The following PDE4B variants were observed in gnomAD, a reference collection of about 807,000 sequenced individuals.
PDE4B encodes phosphodiesterase 4B.
A neutral mutation model predicts 82.2 loss-of-function variants in PDE4B; 20 were observed. The observed-to-expected ratio is 0.24, with a 90% CI of 0.17 to 0.35. The LOEUF is 0.35. PDE4B is among the 10% of genes least tolerant of loss of function. The pLI, the probability that PDE4B is intolerant of heterozygous loss-of-function variation, is 1.00. For synonymous variants in PDE4B, 320 were observed against 318.9 expected (o/e 1.00, Z -0.04); for missense variants, 655 against 907.2 (o/e 0.72, Z 3.57).
chr1:66,131,194 C>T (rs1335134897), intron 3 of PDE4B, among the ~76,000 whole-genome samples: 3 of 152,046 alleles, frequency 2.0e-5, no homozygotes, highest in Non-Finnish European at 4.4e-5. Context: ...GTCCAAGTGT[C>T]CCCAATAGCA....
chr1:66,049,228 G>A (rs1322216404), intron 3 of PDE4B, among the ~76,000 whole-genome samples: 2 of 152,094 alleles, frequency 1.3e-5, no homozygotes, highest in Middle Eastern at 3.4e-3. Flanking sequence ...AAATTGAGGT[G>A]CTGCTTTAAA....
chr1:66,284,986 T>G (rs2101793768), intron 7 of PDE4B, among the ~76,000 whole-genome samples: 1 of 152,274 alleles, frequency 6.6e-6, no homozygotes, highest in Admixed American at 6.5e-5. Flanking sequence ...TAACAGAGAT[T>G]GATGAATTGG....
At chr1:66,305,486 T>C (rs1245396267) in intron 7 of PDE4B, among the ~76,000 whole-genome samples, 1 of 152,170 alleles carries the variant, frequency 6.6e-6, no homozygotes, top group African/African-American at 2.4e-5. Context: ...AAAAAAAGTA[T>C]TATCTGAAAT....
intron 3 of PDE4B, among the ~76,000 whole-genome samples, chr1:66,185,791 T>C (rs895203494): frequency 6.6e-6 from 1 of 152,012 alleles, no homozygotes; most frequent in African/African-American, 2.4e-5. Context: ...AGGTTGCCTT[T>C]TCATTCTGAT....
chr1:66,202,249 G>A lies in PDE4B; in HGVS notation c.282-45211G>A, dbSNP rs1178569069. ...ATTTCTGTTCTTTTACATTTGTTGA[G>A]GAGTGTTTTACTACCAACTATGTGG... On this transcript the variant is annotated intron_variant, in intron 3 of 16. Coordinates refer to ENST00000341517, the MANE Select transcript of PDE4B (RefSeq NM_002600.4). Among the ~76,000 whole-genome samples the A allele has an allele frequency of 1.2e-4, 18 of 151,958 alleles. No homozygotes were observed. The East Asian group carries it at 3.5e-3, about 29-fold the overall frequency.
In PDE4B at chr1:66,235,761, C is replaced by T. The variant is rs1652360668; in HGVS notation, c.282-11699C>T. ...CTATTTGTTTTCTATTTGTCTTATCCATTCTGTTGAAAAAAAATGTTTAGA... is the reference window on the plus strand; with the variant it reads ...CTATTTGTTTTCTATTTGTCTTATCTATTCTGTTGAAAAAAAATGTTTAGA... On this transcript the variant is annotated intron_variant, in intron 3 of 16. Coordinates refer to ENST00000341517, the MANE Select transcript of PDE4B (RefSeq NM_002600.4). 2.0e-5 allele frequency among the ~76,000 whole-genome samples: 3 copies of T among 151,858 alleles called. No individual in the cohort carries two copies. The South Asian group carries it at 6.3e-4, about 32-fold the overall frequency.
In PDE4B at chr1:65,870,523, A is replaced by AG. The variant is rs1646560909; in HGVS notation, c.-70-42721dup. Among the ~76,000 whole-genome samples the AG allele has an allele frequency of 2.0e-5, 3 of 152,338 alleles. No individual in the cohort carries two copies. The South Asian group carries it at 6.2e-4, about 32-fold the overall frequency. On this transcript the variant is annotated intron_variant, in intron 1 of 16. Coordinates refer to ENST00000341517, the MANE Select transcript of PDE4B (RefSeq NM_002600.4). ...TTTTTGAGGTCTCATTGTAAAAATGAGATAAAAACAAACAAATTAATACCT... is the reference window on the plus strand; with the variant it reads ...TTTTTGAGGTCTCATTGTAAAAATGAGGATAAAAACAAACAAATTAATACCT...
At chr1:66,081,245 A>G (rs909178952) in intron 3 of PDE4B, among the ~76,000 whole-genome samples, 9 of 152,086 alleles carry the variant, frequency 5.9e-5, no homozygotes, top group East Asian at 1.9e-4. Flanking sequence ...AATTGAGATT[A>G]ATTCACCTAC....
chr1:66,263,672 G>T (rs1169513364), intron 6 of PDE4B, among the ~76,000 whole-genome samples: 2 of 152,116 alleles, frequency 1.3e-5, no homozygotes, highest in Admixed American at 6.6e-5. Context: ...ATGAAGAAAT[G>T]ACCCTAAAGG....
At chr1:66,096,517 T>A (rs915597875) in intron 3 of PDE4B, among the ~76,000 whole-genome samples, 1 of 138,012 alleles carries the variant, frequency 7.2e-6, no homozygotes, top group Non-Finnish European at 1.6e-5. Flanking sequence ...ATTATATATA[T>A]ATATATATAT....
intron 1 of PDE4B, among the ~76,000 whole-genome samples, chr1:65,900,740 T>C (rs985345536): frequency 6.6e-6 from 1 of 152,118 alleles, no homozygotes; most frequent in Non-Finnish European, 1.5e-5. Flanking sequence ...ATTACATTCT[T>C]GATTTGGCTC....
At chr1:66,146,764 T>C (rs376513498) in intron 3 of PDE4B, among the ~76,000 whole-genome samples, 1 of 152,212 alleles carries the variant, frequency 6.6e-6, no homozygotes, top group African/African-American at 2.4e-5. Context: ...TTCATGTAAA[T>C]TTTGCTTCTA....
At chr1:66,207,554 G>T (rs1649648618) in intron 3 of PDE4B, among the ~76,000 whole-genome samples, 1 of 152,148 alleles carries the variant, frequency 6.6e-6, no homozygotes, top group Non-Finnish European at 1.5e-5. Context: ...CTCGTTACTG[G>T]CAAGAACTTG....
At chr1:66,203,417 T>C (rs1649208822) in intron 3 of PDE4B, among the ~76,000 whole-genome samples, 1 of 152,244 alleles carries the variant, frequency 6.6e-6, no homozygotes, top group Non-Finnish European at 1.5e-5. Context: ...GGGGAAGTTC[T>C]CCTGGGTAAT....
At chr1:65,837,213 T>C (rs1295504487) in intron 1 of PDE4B, among the ~76,000 whole-genome samples, 1 of 152,162 alleles carries the variant, frequency 6.6e-6, no homozygotes, top group Admixed American at 6.5e-5. Context: ...TCATGTATTG[T>C]ATATACAAAG....
intron 1 of PDE4B, among the ~76,000 whole-genome samples, chr1:65,868,166 G>A (rs551278110): frequency 1.3e-5 from 2 of 152,284 alleles, no homozygotes; most frequent in East Asian, 3.9e-4. Flanking sequence ...GGCTCCCTAT[G>A]CTCTCTCTGC....
chr1:66,374,129 A>G lies in PDE4B; in HGVS notation c.*1451A>G, dbSNP rs1218215666. 1 of 152,624 alleles carries G rather than the reference A, an allele frequency of 6.6e-6. No individual in the cohort carries two copies. The highest frequency in any genetic ancestry group is 2.1e-4 in the South Asian group (1 of 4,834). The allele number at this position is 152,624 out of a possible 1,614,324, so 9.5% of individuals were successfully genotyped here. On this transcript the variant is annotated 3_prime_UTR_variant, in exon 17 of 17. Transcript: ENST00000341517. ...AAGGAAACACTACATTTGCTCACAG[A>G]TGATTCTTCTGAATGCTCCCGAACT... is the stretch of plus-strand genomic sequence containing the variant.
intron 1 of PDE4B, among the ~76,000 whole-genome samples, chr1:65,857,732 C>A (rs1646409379): frequency 1.3e-5 from 2 of 152,182 alleles, no homozygotes; most frequent in Admixed American, 1.3e-4. Flanking sequence ...TTGCCAAAAA[C>A]ACCATTGGGC....
chr1:65,960,110 G>T (rs1649472554), intron 3 of PDE4B, among the ~76,000 whole-genome samples: 1 of 152,154 alleles, frequency 6.6e-6, no homozygotes, highest in African/African-American at 2.4e-5. Context: ...CTTTATGTCT[G>T]AGCAATTGTT....
Sources: allele counts gnomAD v4.1 joint callset (sites outside exome capture counted in the v4.1 genomes callset), GRCh38; gene constraint gnomAD v4.1.1; transcripts MANE v1.5; gene names NCBI Gene and HGNC (gene_info 2026-07-23, HGNC 2026-07-21).